The following MALRD1 variants were observed in gnomAD, a reference collection of about 807,000 sequenced individuals.
The protein encoded by MALRD1 is MAM and LDL receptor class A domain containing 1.
A neutral mutation model predicts 242.1 loss-of-function variants in MALRD1; 247 were observed. The observed-to-expected ratio is 1.02, with a 90% confidence interval of 0.92 to 1.13. The LOEUF is 1.13. Among genes scored for constraint, MALRD1 ranks in the 50% most tolerant of loss-of-function variants. MALRD1 has a pLI of 0.00. For missense variants in MALRD1, 2,989 were observed against 2,533.1 expected (o/e 1.18, Z -3.86); for synonymous variants, 995 against 866.6 (o/e 1.15, Z -2.60).
intron 36 of MALRD1, among the ~76,000 whole-genome samples, chr10:19,631,054 T>A (rs142262911): frequency 2.8e-4 from 43 of 152,272 alleles, no homozygotes; most frequent in African/African-American, 9.6e-4. Context: ...GGCAAACTCA[T>A]GTCATGGAGG....
intron 28 of MALRD1, among the ~76,000 whole-genome samples, chr10:19,416,354 G>T (rs946130093): frequency 6.6e-6 from 1 of 152,102 alleles, no homozygotes; most frequent in African/African-American, 2.4e-5. Flanking sequence ...ATGTGGGAAG[G>T]GACTACCGAA....
intron 34 of MALRD1, among the ~76,000 whole-genome samples, chr10:19,607,091 C>T (rs1838675847): frequency 1.3e-5 from 2 of 152,112 alleles, no homozygotes; most frequent in Admixed American, 1.3e-4. Context: ...TCGAAACAAC[C>T]AAAGTCTTAT....
At chr10:19,464,548 C>T (rs868813695) in intron 29 of MALRD1, among the ~76,000 whole-genome samples, 31 of 152,182 alleles carry the variant, frequency 2.0e-4, no homozygotes, top group Middle Eastern at 6.8e-3. Flanking sequence ...TATTGGTTCT[C>T]TATTCTGTTC....
At chr10:19,103,287 T>A (rs137924393) in intron 4 of MALRD1, among the ~76,000 whole-genome samples, 1,944 of 151,826 alleles carry the variant, frequency 0.013, 51 homozygotes, top group African/African-American at 0.045. Flanking sequence ...ACCGGCCAGG[T>A]GCGGTGGCTC....
intron 32 of MALRD1, among the ~76,000 whole-genome samples, chr10:19,546,650 T>C (rs1353752641): frequency 1.3e-5 from 2 of 152,224 alleles, no homozygotes; most frequent in Non-Finnish European, 1.5e-5. Flanking sequence ...TTTTTGTCAT[T>C]GGTACTGATC....
At chr10:19,048,061 A>ATAT (rs563351982), upstream of MALRD1, among the ~76,000 whole-genome samples, 6 of 152,292 alleles carry the variant, frequency 3.9e-5, no homozygotes, top group African/African-American at 9.6e-5. Flanking sequence ...CAACTTCAAT[A>ATAT]TATTGTTCAT....
intron 5 of MALRD1, among the ~76,000 whole-genome samples, chr10:19,107,007 T>C (rs1041685554): frequency 6.6e-6 from 1 of 152,022 alleles, no homozygotes; most frequent in African/African-American, 2.4e-5. Flanking sequence ...ACTATGATTC[T>C]GACTTTTAAA....
At chr10:19,580,336 G>A (rs1225509627) in intron 33 of MALRD1, among the ~76,000 whole-genome samples, 1 of 151,872 alleles carries the variant, frequency 6.6e-6, no homozygotes, top group Non-Finnish European at 1.5e-5. Context: ...ACTCTTTTGG[G>A]GCCTCTTAAG....
chr10:19,370,808 C>G (rs765495182), intron 26 of MALRD1, among the ~76,000 whole-genome samples: 5 of 152,200 alleles, frequency 3.3e-5, no homozygotes, highest in Non-Finnish European at 7.4e-5. Context: ...AACTCCTGAC[C>G]TCAAGTAATC....
intron 36 of MALRD1, among the ~76,000 whole-genome samples, chr10:19,640,004 C>T (rs918722002): frequency 6.6e-6 from 1 of 152,152 alleles, no homozygotes; most frequent in Non-Finnish European, 1.5e-5. Flanking sequence ...TTCTTTCCCC[C>T]CAATGCATAG....
intron 36 of MALRD1, among the ~76,000 whole-genome samples, chr10:19,619,300 C>T (rs914178970): frequency 7.9e-5 from 12 of 151,938 alleles, no homozygotes; most frequent in African/African-American, 2.7e-4. Context: ...CAGGGAGGGT[C>T]GCTTTTTCCT....
chr10:19,381,066 C>T lies in MALRD1; in HGVS notation c.4442-6462C>T, dbSNP rs562435391. Among the ~76,000 whole-genome samples the T allele has an allele frequency of 1.9e-3, 237 of 125,350 alleles. 1 individual carries two copies. Among genetic ancestry groups the T allele is most frequent in the African/African-American group, 6.7e-3 (218 of 32,674 alleles). The allele number at this position is 125,350 out of a possible 152,430, so 82.2% of individuals were successfully genotyped here. On this transcript the variant is annotated intron_variant, in intron 26 of 39. Transcript: ENST00000454679. The stretch of plus-strand genomic sequence containing the variant: ...CAGTGCTATCCCTCCCCCCTCCCCC[C>T]ACCCCACCACAGTCCCCAGAGTGTG...
chr10:19,123,427 C>A, intron 5 of MALRD1, 65 bp from the exon 6 acceptor site: 3 of 961,456 alleles, frequency 3.1e-6, no homozygotes, highest in Non-Finnish European at 4.1e-6. Context: ...AACATTAAAG[C>A]AAAATACTTG....
chr10:19,324,202 A>G (rs1843020912), intron 22 of MALRD1, 97 bp downstream of exon 22: 1 of 1,208,090 alleles, frequency 8.3e-7, no homozygotes, highest in East Asian at 2.6e-5. Flanking sequence ...ATAAGTGAAA[A>G]TGGACAATTA....
At chr10:19,461,606 G>A (rs538644157) in intron 29 of MALRD1, among the ~76,000 whole-genome samples, 1 of 152,176 alleles carries the variant, frequency 6.6e-6, no homozygotes, top group East Asian at 1.9e-4. Flanking sequence ...CTACACTGTG[G>A]GGGGAGGCTG....
intron 8 of MALRD1, among the ~76,000 whole-genome samples, chr10:19,133,100 G>A (rs1424798151): frequency 6.6e-6 from 1 of 151,894 alleles, no homozygotes; most frequent in Non-Finnish European, 1.5e-5. Flanking sequence ...CACCACGCCT[G>A]GCTAATTTTT....
intron 19 of MALRD1, among the ~76,000 whole-genome samples, chr10:19,279,574 G>A (rs1482355213): frequency 6.6e-6 from 1 of 152,168 alleles, no homozygotes; most frequent in African/African-American, 2.4e-5. Flanking sequence ...AGGATTTCTG[G>A]TTTGACTCTT....
chr10:19,237,712 AT>A (rs1250280882), intron 18 of MALRD1, among the ~76,000 whole-genome samples: 1 of 78,114 alleles, frequency 1.3e-5, no homozygotes, highest in African/African-American at 4.9e-5. Context: ...TTATATATAT[AT>A]TTATATATAA....
At chr10:19,051,921 CAAAAAAA>C (rs1178410946) in intron 1 of MALRD1, 10 of 62,714 alleles carry the variant, frequency 1.6e-4, no homozygotes, top group South Asian at 4.9e-4. Flanking sequence ...GACTCCGTCT[CAAAAAAA>C]AAAAAAAAAA....
Sources: gnomAD v4.1 joint callset for allele counts (sites outside exome capture counted in the v4.1 genomes callset) on GRCh38, gnomAD v4.1.1 for gene constraint, MANE v1.5 for transcripts, NCBI Gene and HGNC (gene_info 2026-07-23, HGNC 2026-07-21) for gene names.